MEIS1: variants seen among roughly 807,000 people sequenced by gnomAD.
MEIS1 encodes homeobox protein Meis1.
MEIS1 carries 5 observed loss-of-function variants against 50.8 expected under a neutral mutation model. That is an observed-to-expected ratio of 0.10 (90% CI 0.05 to 0.21). MEIS1 has a LOEUF of 0.21. Ranked by LOEUF, MEIS1 falls within the 10% of genes least tolerant of loss-of-function variation. MEIS1 has a pLI of 1.00. For synonymous variants in MEIS1, 176 were observed against 179.3 expected (o/e 0.98, Z 0.15); for missense variants, 318 against 517.3 (o/e 0.61, Z 3.74).
At chr2:66,509,079 T>A (rs1342415542) in intron 7 of MEIS1, 3 of 471,394 alleles carry the variant, frequency 6.4e-6, no homozygotes, top group African/African-American at 4.0e-5. Context: ...AGAGACCACA[T>A]TGAGGTGACT....
chr2:66,502,545 T>C (rs776518694), intron 7 of MEIS1, among the ~76,000 whole-genome samples: 25 of 152,296 alleles, frequency 1.6e-4, no homozygotes, highest in Non-Finnish European at 3.7e-4. Context: ...TTCTTTGAGA[T>C]TGCTTTTACC....
At chr2:66,568,505 A>T in intron 10 of MEIS1, 162 bp from the exon 11 acceptor site, 1 of 548,724 alleles carries the variant, frequency 1.8e-6, no homozygotes, top group Non-Finnish European at 3.3e-6. Flanking sequence ...AGAGGTGTGT[A>T]GATCTAGTCT....
intron 7 of MEIS1, among the ~76,000 whole-genome samples, chr2:66,476,385 A>G (rs550656992): frequency 6.6e-6 from 1 of 152,202 alleles, no homozygotes; most frequent in African/African-American, 2.4e-5. Flanking sequence ...ATATGAGAGG[A>G]TTACTCCCAA....
chr2:66,479,899 C>T (rs1322164258), intron 7 of MEIS1, among the ~76,000 whole-genome samples: 2 of 152,192 alleles, frequency 1.3e-5, no homozygotes, highest in Admixed American at 1.3e-4. Context: ...CATTTTCCTT[C>T]AGAGGAGAGG....
At chr2:66,554,865 CT>C (rs1675015587) in intron 9 of MEIS1, among the ~76,000 whole-genome samples, 3 of 152,128 alleles carry the variant, frequency 2.0e-5, no homozygotes. Context: ...AAATCAAACA[CT>C]GTAAAATAAA....
intron 6 of MEIS1, among the ~76,000 whole-genome samples, chr2:66,454,267 G>A (rs542243273): frequency 6.6e-6 from 1 of 152,132 alleles, no homozygotes; most frequent in African/African-American, 2.4e-5. Context: ...GAAGGATTGG[G>A]TGCTGGTTGA....
At chr2:66,465,119 A>C (rs1327562203) in intron 7 of MEIS1, among the ~76,000 whole-genome samples, 1 of 152,176 alleles carries the variant, frequency 6.6e-6, no homozygotes, top group Admixed American at 6.5e-5. Context: ...CAACAAAGGA[A>C]TTTTGTTGTC....
intron 7 of MEIS1, among the ~76,000 whole-genome samples, chr2:66,481,353 G>C (rs574062723): frequency 2.6e-5 from 4 of 152,222 alleles, no homozygotes; most frequent in Admixed American, 6.5e-5. Context: ...TTGTGGGAAA[G>C]CTTTCTTTGT....
At chr2:66,563,200 C>T (rs577136208) in intron 9 of MEIS1, among the ~76,000 whole-genome samples, 1 of 152,138 alleles carries the variant, frequency 6.6e-6, no homozygotes, top group African/African-American at 2.4e-5. Flanking sequence ...TAAAAGAGAC[C>T]TTATCAGTAT....
intron 7 of MEIS1, among the ~76,000 whole-genome samples, chr2:66,465,899 C>A (rs1464599798): frequency 6.6e-6 from 1 of 152,180 alleles, no homozygotes; most frequent in Non-Finnish European, 1.5e-5. Flanking sequence ...CTTCCTTCAA[C>A]AAGTGTTCTC....
chr2:66,462,521 C>T lies in MEIS1; in HGVS notation c.631-1588C>T, dbSNP rs139778013. On this transcript the variant is annotated intron_variant, in intron 6 of 12. Transcript: ENST00000272369. Reference sequence around the variant, plus strand: ...AACATCCTTTTACATGTCGAGGCACCGGGGTTTTGTGCCTGGCATTGTCTG... The same window carrying T: ...AACATCCTTTTACATGTCGAGGCACTGGGGTTTTGTGCCTGGCATTGTCTG... 4.9e-3 allele frequency among the ~76,000 whole-genome samples: 739 copies of T among 152,240 alleles called. 8 individuals are homozygous for T. The highest frequency in any genetic ancestry group is 0.017 in the African/African-American group (709 of 41,530).
At chr2:66,519,500 C>G (rs1334257420) in intron 8 of MEIS1, among the ~76,000 whole-genome samples, 2 of 151,942 alleles carry the variant, frequency 1.3e-5, no homozygotes, top group Non-Finnish European at 2.9e-5. Context: ...CGCTCAAGAA[C>G]TCAGATAAGG....
intron 7 of MEIS1, among the ~76,000 whole-genome samples, chr2:66,474,027 G>C (rs1418820823): frequency 6.6e-6 from 1 of 152,024 alleles, no homozygotes; most frequent in African/African-American, 2.4e-5. Flanking sequence ...TTGTTATACT[G>C]TATTGTTTAG....
In MEIS1 at chr2:66,512,199, G is replaced by A; in HGVS notation, c.793G>A (p.Asp265Asn). ...TTCCCCCAGCACAGGTGACGATGAT[G>A]ACCCTGATAAGGACAAAAAGCGTCA... is the stretch of plus-strand genomic sequence containing the variant. ...VASPSTGDDDDPDKDKKRHKK... is the reference protein window; with the variant it reads ...VASPSTGDDDNPDKDKKRHKK... Residue 265 changes from aspartate (D) to asparagine (N), a missense_variant, in exon 8 of 13, where the codon GAC becomes AAC. By Grantham distance (23) the Asp-to-Asn change is conservative. Around this residue, in one of 6 missense-constraint regions of MEIS1, gnomAD observed 40 missense variants for 102.8 expected, o/e 0.39. Coordinates refer to ENST00000272369, the MANE Select transcript of MEIS1 (RefSeq NM_002398.3). 6.2e-7 allele frequency: 1 copy of A among 1,610,924 alleles called. No homozygotes were observed. Among genetic ancestry groups the A allele is most frequent in the Non-Finnish European group, 8.5e-7 (1 of 1,178,232 alleles).
intron 8 of MEIS1, among the ~76,000 whole-genome samples, chr2:66,532,277 T>G (rs913002741): frequency 2.6e-5 from 4 of 152,216 alleles, no homozygotes; most frequent in Non-Finnish European, 5.9e-5. Context: ...GTCTATGCAA[T>G]TATTTTCTTA....
chr2:66,476,752 T>A (rs1484955261), intron 7 of MEIS1, among the ~76,000 whole-genome samples: 1 of 152,152 alleles, frequency 6.6e-6, no homozygotes, highest in Non-Finnish European at 1.5e-5. Flanking sequence ...CAGGTCCTTC[T>A]CCACACAGTG....
intron 6 of MEIS1, among the ~76,000 whole-genome samples, chr2:66,449,160 T>C (rs988297769): frequency 9.9e-5 from 15 of 152,138 alleles, no homozygotes; most frequent in African/African-American, 3.6e-4. Context: ...GATGTTATTA[T>C]AGATTTAAAG....
chr2:66,492,708 G>C (rs1673302342), intron 7 of MEIS1, among the ~76,000 whole-genome samples: 1 of 152,208 alleles, frequency 6.6e-6, no homozygotes, highest in Non-Finnish European at 1.5e-5. Flanking sequence ...TGCAGATCTG[G>C]CTGTTCCATT....
At chr2:66,482,533 C>G (rs775436162) in intron 7 of MEIS1, among the ~76,000 whole-genome samples, 2 of 152,120 alleles carry the variant, frequency 1.3e-5, no homozygotes, top group African/African-American at 2.4e-5. Flanking sequence ...CTCTGTCTCT[C>G]GTTAGAAAGA....
Sources: gnomAD v4.1 joint callset for allele counts (sites outside exome capture counted in the v4.1 genomes callset) on GRCh38, gnomAD v4.1.1 for gene constraint, gnomAD v4.1.1 regional missense constraint, MANE v1.5 for transcripts, NCBI Gene and HGNC (gene_info 2026-07-23, HGNC 2026-07-21) for gene names.